Variants in L3MBTL4 observed in about 807,000 individuals in gnomAD.
The protein encoded by L3MBTL4 is L3MBTL histone methyl-lysine binding protein 4, also known as lethal(3)malignant brain tumor-like protein 4.
L3MBTL4 carries 70 observed loss-of-function variants against 84.5 expected under a neutral mutation model. The ratio of observed to expected loss-of-function variants is 0.83; its 90% confidence interval spans 0.68 to 1.01. L3MBTL4 has a LOEUF of 1.01. Ranked by LOEUF, L3MBTL4 falls within the 50% of genes least tolerant of loss-of-function variation. L3MBTL4 has a pLI of 0.00. For missense variants in L3MBTL4, 715 were observed against 754.8 expected, an observed-to-expected ratio of 0.95 and a Z score of 0.62; for synonymous variants, 274 against 259.8, an observed-to-expected ratio of 1.05 and a Z score of -0.52.
intron 5 of L3MBTL4, among the ~76,000 whole-genome samples, chr18:6,250,081 G>C (rs28533689): frequency 0.014 from 2,125 of 152,310 alleles, 36 homozygotes; most frequent in African/African-American, 0.048. Flanking sequence ...CAGTGCTCTT[G>C]AGTACAAAAG....
intron 1 of L3MBTL4, among the ~76,000 whole-genome samples, chr18:6,345,427 A>G (rs1250527451): frequency 6.6e-6 from 1 of 151,760 alleles, no homozygotes; most frequent in African/African-American, 2.4e-5. Context: ...CAAACAAAAA[A>G]AACCATAAAG....
At chr18:6,187,022 A>G (rs2044805280) in intron 12 of L3MBTL4, among the ~76,000 whole-genome samples, 1 of 152,196 alleles carries the variant, frequency 6.6e-6, no homozygotes, top group South Asian at 2.1e-4. Context: ...AGGTGGAGGG[A>G]CAGGACGATG....
chr18:6,238,967 C>T (rs1189555695), intron 9 of L3MBTL4, among the ~76,000 whole-genome samples: 1 of 151,876 alleles, frequency 6.6e-6, no homozygotes, highest in Non-Finnish European at 1.5e-5. Flanking sequence ...TAATGGCATG[C>T]ATGGTAGCAT....
chr18:6,110,503 C>A (rs2059157417), intron 14 of L3MBTL4, among the ~76,000 whole-genome samples: 1 of 147,114 alleles, frequency 6.8e-6, no homozygotes, highest in Non-Finnish European at 1.5e-5. Flanking sequence ...TGTGGTTGTA[C>A]ACGTGTGCGG....
chr18:6,234,575 A>G (rs1230247863), intron 10 of L3MBTL4, among the ~76,000 whole-genome samples: 1 of 152,244 alleles, frequency 6.6e-6, no homozygotes, highest in Admixed American at 6.5e-5. Context: ...AATGCTCATC[A>G]TCACTGACCA....
chr18:6,299,232 G>A (rs1320029259), intron 4 of L3MBTL4, among the ~76,000 whole-genome samples: 1 of 152,146 alleles, frequency 6.6e-6, no homozygotes, highest in Non-Finnish European at 1.5e-5. Flanking sequence ...CTCAATCTCA[G>A]CATGACTATG....
intron 12 of L3MBTL4, among the ~76,000 whole-genome samples, chr18:6,173,764 A>G (rs2044091130): frequency 6.6e-6 from 1 of 152,160 alleles, no homozygotes; most frequent in African/African-American, 2.4e-5. Context: ...TGGACGGCAC[A>G]GCAAGACCCT....
chr18:6,072,579 G>T (rs1353102119), intron 16 of L3MBTL4, among the ~76,000 whole-genome samples: 1 of 151,380 alleles, frequency 6.6e-6, no homozygotes, highest in Non-Finnish European at 1.5e-5. Context: ...GGTGGCTCAC[G>T]CTTGTAATCC....
At chr18:6,391,867 TG>T (rs1352476201) in intron 1 of L3MBTL4, among the ~76,000 whole-genome samples, 1 of 151,866 alleles carries the variant, frequency 6.6e-6, no homozygotes, top group Non-Finnish European at 1.5e-5. Flanking sequence ...ACACAACAAA[TG>T]GAAACACATC....
At chr18:6,164,624 C>A (rs183899085) in intron 13 of L3MBTL4, among the ~76,000 whole-genome samples, 1 of 152,254 alleles carries the variant, frequency 6.6e-6, no homozygotes, top group Non-Finnish European at 1.5e-5. Flanking sequence ...AGGGTCCTGA[C>A]CATTAGAAGG....
chr18:5,993,674 A>G (rs1411881310), intron 16 of L3MBTL4, among the ~76,000 whole-genome samples: 1 of 152,220 alleles, frequency 6.6e-6, no homozygotes, highest in African/African-American at 2.4e-5. Context: ...AAATTTTACA[A>G]AATTATGCAT....
At chr18:5,980,018 G>A (rs566388102) in intron 16 of L3MBTL4, among the ~76,000 whole-genome samples, 18 of 152,326 alleles carry the variant, frequency 1.2e-4, no homozygotes, top group African/African-American at 4.1e-4. Context: ...CAGGGCTGCT[G>A]CTCACCCTGC....
rs2047534399 is a variant in L3MBTL4, at chr18:6,243,451, A to G, written c.325-22T>C. 1.9e-6 allele frequency: 3 copies of G among 1,565,478 alleles called. No individual in the cohort carries two copies. The South Asian group carries it at 3.7e-5, about 20-fold the overall frequency. ...AAACCTGCAAGATAGAAAGTTTACA[A>G]TCATTCGTTAAGTGTCATATATTTG... On this transcript the variant is annotated intron_variant, in intron 6 of 18. Coordinates refer to ENST00000317931, the MANE Select transcript of L3MBTL4 (RefSeq NM_001330559.2).
At chr18:6,225,968 T>G (rs1312099901) in intron 10 of L3MBTL4, among the ~76,000 whole-genome samples, 1 of 152,078 alleles carries the variant, frequency 6.6e-6, no homozygotes, top group African/African-American at 2.4e-5. Flanking sequence ...AAATTTAAGC[T>G]ACAGGAAATT....
chr18:6,224,718 TTA>T (rs781290747), intron 10 of L3MBTL4, among the ~76,000 whole-genome samples: 34 of 152,068 alleles, frequency 2.2e-4, no homozygotes, highest in Non-Finnish European at 4.6e-4. Context: ...AGAGTCCTAG[TTA>T]TGTTATTTGG....
chr18:6,338,477 A>T (rs935485421), intron 1 of L3MBTL4, among the ~76,000 whole-genome samples: 1 of 152,140 alleles, frequency 6.6e-6, no homozygotes, highest in African/African-American at 2.4e-5. Context: ...TTTCTAAGGA[A>T]AAAGAAGGAA....
chr18:6,313,330 T>C (rs2050928360), intron 1 of L3MBTL4, among the ~76,000 whole-genome samples: 2 of 152,218 alleles, frequency 1.3e-5, no homozygotes, highest in African/African-American at 2.4e-5. Context: ...CATTATCCTT[T>C]AGAATGCTGT....
intron 12 of L3MBTL4, among the ~76,000 whole-genome samples, chr18:6,209,633 T>C (rs2046021239): frequency 6.6e-6 from 1 of 152,078 alleles, no homozygotes; most frequent in Non-Finnish European, 1.5e-5. Context: ...ACCCAGCAAT[T>C]CCACTCGTAG....
At chr18:6,255,182 C>T (rs1452819582) in intron 5 of L3MBTL4, among the ~76,000 whole-genome samples, 1 of 152,176 alleles carries the variant, frequency 6.6e-6, no homozygotes, top group Non-Finnish European at 1.5e-5. Context: ...AACAAGAAGT[C>T]GTGTCTACCC....
Sources: gnomAD v4.1 joint callset for allele counts (sites outside exome capture counted in the v4.1 genomes callset) on GRCh38, gnomAD v4.1.1 for gene constraint, MANE v1.5 for transcripts, NCBI Gene and HGNC (gene_info 2026-07-23, HGNC 2026-07-21) for gene names.